The following RPL32 variants were observed in gnomAD, a reference collection of about 807,000 sequenced individuals.
RPL32 encodes ribosomal protein L32, also known as large ribosomal subunit protein eL32.
For synonymous variants in RPL32, 61 were observed against 62.6 expected (o/e 0.98, Z 0.12); for missense variants, 117 against 173.7 (o/e 0.67, Z 1.83).
chr3:12,840,959 C>T (rs1165268320), intron 1 of RPL32: 15 of 156,636 alleles, frequency 9.6e-5, no homozygotes, highest in Non-Finnish European at 1.7e-4. Flanking sequence ...ATGATATCCT[C>T]GAAGGCAAGG....
chr3:12,839,714 C>G (rs990426994), intron 2 of RPL32, 184 bp from the exon 3 acceptor site: 3 of 660,936 alleles, frequency 4.5e-6, no homozygotes, highest in Admixed American at 2.7e-5. Context: ...GCTTTAGCCA[C>G]TAGGGATGAA....
intron 3 of RPL32, among the ~76,000 whole-genome samples, chr3:12,838,280 G>A (rs530847228): frequency 3.3e-5 from 5 of 152,328 alleles, no homozygotes; most frequent in South Asian, 2.1e-4. Context: ...GGTGGTGCAC[G>A]CCTGTAATCC....
intron 3 of RPL32, among the ~76,000 whole-genome samples, chr3:12,837,834 T>G (rs954466099): frequency 2.6e-5 from 4 of 152,210 alleles, no homozygotes; most frequent in Non-Finnish European, 5.9e-5. Context: ...GAAAATAAAC[T>G]GTCACTTCCC....
At chr3:12,839,324 A>G in intron 3 of RPL32, 25 bp downstream of exon 3, 1 of 1,611,702 alleles carries the variant, frequency 6.2e-7, no homozygotes, top group Non-Finnish European at 8.5e-7. Flanking sequence ...TGATCACTGA[A>G]AACTAGAGGT....
In RPL32 at chr3:12,839,374, G is replaced by A; in HGVS notation, c.253C>T (p.Leu85=). ...TTGTTGCACATCAGCAGCACTTCCA[G>A]CTCCTTGACGTTGTGGACCAGGAAC... is the stretch of plus-strand genomic sequence containing the variant. ...RKFLVHNVKE[L]EVLLMCNKSY... Residue 85 remains leucine, a synonymous_variant, in exon 3 of 4, where the codon CTG becomes TTG. Transcript: ENST00000429711. The A allele has an allele frequency of 6.2e-7, 1 of 1,614,094 alleles. No homozygotes were observed. Among genetic ancestry groups the A allele is most frequent in the Non-Finnish European group, 8.5e-7 (1 of 1,179,970 alleles).
Position 12,839,507 on chromosome 3 carries a change from G to A in RPL32, c.120C>T (p.Gly40=), listed in dbSNP as rs2062127766. ...KIKRNWRKPR[G]IDNRVRRRFK... is the part of the protein sequence containing the mutation. Reference sequence around the variant, plus strand: ...ATCTTCTACGAACCCTGTTGTCAATGCCTCTGGGTTTCCGCCAGTTACGCT... The same window carrying A: ...ATCTTCTACGAACCCTGTTGTCAATACCTCTGGGTTTCCGCCAGTTACGCT... The change falls in exon 3 of 4, where the codon GGC becomes GGT. Residue 40 remains glycine, a synonymous_variant. Transcript: ENST00000429711. 1 of 1,614,062 alleles carries A rather than the reference G, an allele frequency of 6.2e-7. No homozygotes were observed. The highest frequency in any genetic ancestry group is 1.3e-5 in the African/African-American group (1 of 74,916).
intron 2 of RPL32, 90 bp downstream of exon 2, chr3:12,840,052 G>A (rs1329431703): frequency 8.6e-6 from 9 of 1,051,560 alleles, no homozygotes; most frequent in South Asian, 2.6e-5. Context: ...CCAGTTCATC[G>A]GTCAAAGATA....
At chr3:12,838,981 C>T (rs1402907571) in intron 3 of RPL32, 22 of 319,092 alleles carry the variant, frequency 6.9e-5, no homozygotes, top group South Asian at 6.1e-4. Flanking sequence ...TAAATCTCTT[C>T]GAATATTTCA....
In RPL32 at chr3:12,839,384, G is replaced by C; in HGVS notation, c.243C>G (p.Asn81Lys). ...PSGFRKFLVH[N>K]VKELEVLLMC... ...TCAGCAGCACTTCCAGCTCCTTGAC[G>C]TTGTGGACCAGGAACTTCCGGAAGC... The change falls in exon 3 of 4, where the codon AAC becomes AAG. Residue 81 changes from asparagine (N) to lysine (K), a missense_variant. Coordinates refer to ENST00000429711, the MANE Select transcript of RPL32 (RefSeq NM_000994.4). 1 of 1,614,082 alleles carries C rather than the reference G, an allele frequency of 6.2e-7. No homozygotes were observed. The highest frequency in any genetic ancestry group is 8.5e-7 in the Non-Finnish European group (1 of 1,179,968).
chr3:12,839,002 CTT>C (rs1174227433), intron 3 of RPL32: 5 of 355,158 alleles, frequency 1.4e-5, no homozygotes, highest in Non-Finnish European at 2.6e-5. Flanking sequence ...GAGTTCAACT[CTT>C]TTGCTTGACA....
chr3:12,835,971 C>G lies in RPL32; in HGVS notation c.*123G>C. 8.1e-7 allele frequency: 1 copy of G among 1,232,878 alleles called. No homozygotes were observed. Among genetic ancestry groups the G allele is most frequent in the Non-Finnish European group, 1.1e-6 (1 of 876,436 alleles). 76.4% of individuals were successfully genotyped at this position (1,232,878 alleles called of 1,614,324 possible). A position where few individuals can be genotyped will look rare whatever the true frequency, so the allele number is the denominator to read the frequency against. ...ATGGGAGATTCCAAAGGGGCTTAAG[C>G]AAAAGAACAATCTCTGTGGCAAACT... On this transcript the variant is annotated 3_prime_UTR_variant, in exon 4 of 4. Transcript: ENST00000429711.
In RPL32 at chr3:12,835,973, A is replaced by G. The variant is rs1038684685; in HGVS notation, c.*121T>C. 2 of 1,259,954 alleles carry G rather than the reference A, an allele frequency of 1.6e-6. No homozygotes were observed. Among genetic ancestry groups the G allele is most frequent in the African/African-American group, 1.5e-5 (1 of 67,818 alleles). 78.0% of individuals were successfully genotyped at this position (1,259,954 alleles called of 1,614,324 possible). On this transcript the variant is annotated 3_prime_UTR_variant, in exon 4 of 4. Coordinates refer to ENST00000429711, the MANE Select transcript of RPL32 (RefSeq NM_000994.4). The stretch of plus-strand genomic sequence containing the variant: ...GGGAGATTCCAAAGGGGCTTAAGCA[A>G]AAGAACAATCTCTGTGGCAAACTAA...
chr3:12,837,188 T>C (rs1342930341), intron 3 of RPL32, among the ~76,000 whole-genome samples: 1 of 151,878 alleles, frequency 6.6e-6, no homozygotes, highest in African/African-American at 2.4e-5. Context: ...GTACCCACCA[T>C]TTTAAATGTG....
intron 1 of RPL32, chr3:12,840,651 A>G: frequency 2.5e-6 from 1 of 398,418 alleles, no homozygotes; most frequent in South Asian, 1.8e-5. Context: ...AATGAAGATG[A>G]CACTGCGCGC....
intron 2 of RPL32, 109 bp downstream of exon 2, chr3:12,840,033 T>G: frequency 7.7e-6 from 7 of 913,518 alleles, no homozygotes; most frequent in Non-Finnish European, 1.3e-5. Flanking sequence ...CAGAAAGCTC[T>G]TCCACAAGCC....
chr3:12,835,970 GC>G lies in RPL32; in HGVS notation c.*123del. ...AATGGGAGATTCCAAAGGGGCTTAA[GC>G]AAAAGAACAATCTCTGTGGCAAACT... On this transcript the variant is annotated 3_prime_UTR_variant, in exon 4 of 4. Coordinates refer to ENST00000429711, the MANE Select transcript of RPL32 (RefSeq NM_000994.4). The G allele has an allele frequency of 4.1e-6, 5 of 1,212,940 alleles. No individual in the cohort carries two copies. The highest frequency in any genetic ancestry group is 5.8e-6 in the Non-Finnish European group (5 of 859,168). The allele number at this position is 1,212,940 out of a possible 1,614,324, so 75.1% of individuals were successfully genotyped here.
rs556371400 is a variant in RPL32 at position 12,834,620 on chromosome 3, T to C, written c.*1474A>G. ...TCATTTCTAATTTCAAAATACTTAT[T>C]AGCAAATTGGGCAACAATGGGCATC... On this transcript the variant is annotated 3_prime_UTR_variant, in exon 4 of 4. Transcript: ENST00000429711. 15 of 152,596 alleles carry C rather than the reference T, an allele frequency of 9.8e-5. No homozygotes were observed. Among genetic ancestry groups the C allele is most frequent in the Admixed American group, 8.5e-4 (13 of 15,336 alleles). 9.5% of individuals were successfully genotyped at this position (152,596 alleles called of 1,614,324 possible). A position where few individuals can be genotyped will look rare whatever the true frequency, so the allele number is the denominator to read the frequency against.
Position 12,840,184 on chromosome 3 carries a change from C to A in RPL32, c.54G>T (p.Lys18Asn), listed in dbSNP as rs763492092. The A allele has an allele frequency of 6.2e-7, 1 of 1,614,076 alleles. No individual in the cohort carries two copies. Among genetic ancestry groups the A allele is most frequent in the Non-Finnish European group, 8.5e-7 (1 of 1,179,914 alleles). ...GGTCTGACTGGTGCCGGATGAACTT[C>A]TTGGTTCTCTTTTTGACGATCTTGG... ...VKPKIVKKRT[K>N]KFIRHQSDRY... Residue 18 changes from lysine (K) to asparagine (N), a missense_variant, in exon 2 of 4, where the codon AAG becomes AAT. Coordinates refer to ENST00000429711, the MANE Select transcript of RPL32 (RefSeq NM_000994.4).
rs1270304478 is a variant in RPL32 at position 12,835,696 on chromosome 3, ATT to A, written c.*396_*397del. The A allele has an allele frequency of 5.9e-6, 1 of 168,794 alleles. No homozygotes were observed. Among genetic ancestry groups the A allele is most frequent in the Admixed American group, 5.8e-5 (1 of 17,272 alleles). 10.5% of individuals were successfully genotyped at this position (168,794 alleles called of 1,614,324 possible). A position where few individuals can be genotyped will look rare whatever the true frequency, so the allele number is the denominator to read the frequency against. ...AATTCATCTGGATATTTCCATGCATATTTTCTCAATTCTCACAAGCATCACAT... is the reference window on the plus strand; with the variant it reads ...AATTCATCTGGATATTTCCATGCATATTCTCAATTCTCACAAGCATCACAT... On this transcript the variant is annotated 3_prime_UTR_variant, in exon 4 of 4. Transcript: ENST00000429711.
Sources: allele counts gnomAD v4.1 joint callset (sites outside exome capture counted in the v4.1 genomes callset), GRCh38; gene constraint gnomAD v4.1.1; transcripts MANE v1.5; gene names NCBI Gene and HGNC (gene_info 2026-07-23, HGNC 2026-07-21).